DYNLL1: variants seen among roughly 807,000 people sequenced by gnomAD.
DYNLL1 encodes the protein dynein light chain 1, cytoplasmic.
In DYNLL1, 3 loss-of-function variants were observed where a neutral mutation model predicts 10.1. That is an observed-to-expected ratio of 0.30 (90% CI 0.14 to 0.77). The LOEUF (loss-of-function observed/expected upper bound fraction) is 0.77, where lower values mean the gene tolerates loss of function less well. Ranked by LOEUF, DYNLL1 falls within the 30% of genes least tolerant of loss-of-function variation. The pLI, the probability that DYNLL1 is intolerant of heterozygous loss-of-function variation, is 0.66. For synonymous variants in DYNLL1, 46 were observed against 41.2 expected, an observed-to-expected ratio of 1.12 and a Z score of -0.45; for missense variants, 47 against 111.7, an observed-to-expected ratio of 0.42 and a Z score of 2.61.
chr12:120,469,956 T>G (rs1878605513), exon 1 of DYNLL1: 1 of 176,826 alleles, frequency 5.7e-6, no homozygotes, highest in African/African-American at 2.4e-5. Flanking sequence ...CGCCTCAGTT[T>G]CTCTCTGTGG....
intron 1 of DYNLL1, among the ~76,000 whole-genome samples, chr12:120,477,748 C>T (rs1878787163): frequency 6.6e-6 from 1 of 152,054 alleles, no homozygotes; most frequent in South Asian, 2.1e-4. Flanking sequence ...GTACTCCAGC[C>T]TGGGTGACAG....
chr12:120,484,880 A>G (rs751258076), intron 1 of DYNLL1, among the ~76,000 whole-genome samples: 3 of 152,092 alleles, frequency 2.0e-5, no homozygotes, highest in Non-Finnish European at 2.9e-5. Flanking sequence ...AGTAGCCTAC[A>G]GGCACGCAAC....
intron 1 of DYNLL1, among the ~76,000 whole-genome samples, chr12:120,476,291 G>T (rs1370852944): frequency 1.4e-5 from 2 of 147,520 alleles, no homozygotes; most frequent in African/African-American, 5.1e-5. Flanking sequence ...TAAAAAACAA[G>T]TATGGGAATT....
At chr12:120,479,386 G>A (rs1452444573) in intron 1 of DYNLL1, among the ~76,000 whole-genome samples, 21 of 147,754 alleles carry the variant, frequency 1.4e-4, no homozygotes, top group African/African-American at 2.7e-4. Flanking sequence ...CCCGGGAGGC[G>A]GAGGTTGTGG....
At chr12:120,486,293 G>A (rs982249467) in intron 1 of DYNLL1, among the ~76,000 whole-genome samples, 1 of 152,082 alleles carries the variant, frequency 6.6e-6, no homozygotes, top group African/African-American at 2.4e-5. Flanking sequence ...GAGTTTCTTG[G>A]GGGAAGTGGC....
chr12:120,477,256 A>G (rs1878775518), intron 1 of DYNLL1, among the ~76,000 whole-genome samples: 1 of 152,226 alleles, frequency 6.6e-6, no homozygotes, highest in South Asian at 2.1e-4. Flanking sequence ...ATCTAGTGCT[A>G]TGCTTGGACC....
intron 1 of DYNLL1, among the ~76,000 whole-genome samples, chr12:120,474,955 A>G (rs1455387050): frequency 6.6e-6 from 1 of 152,182 alleles, no homozygotes; most frequent in East Asian, 1.9e-4. Flanking sequence ...GCTACATAAT[A>G]AAGAACTGAG....
exon 1 of DYNLL1, chr12:120,469,863 G>T (rs1049641062): frequency 1.6e-5 from 4 of 250,632 alleles, no homozygotes; most frequent in Non-Finnish European, 3.0e-5. Flanking sequence ...GACAGGGAGA[G>T]CCTGGGGCCG....
chr12:120,486,949 A>G (rs1012845847), intron 1 of DYNLL1, among the ~76,000 whole-genome samples: 3 of 150,870 alleles, frequency 2.0e-5, no homozygotes, highest in South Asian at 2.1e-4. Context: ...GATGAGAGAG[A>G]GACCTCGGGT....
At chr12:120,471,938 T>A (rs1878660723) in intron 1 of DYNLL1, among the ~76,000 whole-genome samples, 3 of 152,140 alleles carry the variant, frequency 2.0e-5, no homozygotes, top group Admixed American at 2.0e-4. Context: ...CAGACGGAAA[T>A]AAGCAAGAGA....
intron 1 of DYNLL1, among the ~76,000 whole-genome samples, chr12:120,485,578 G>A (rs1197484412): frequency 1.3e-5 from 2 of 151,988 alleles, no homozygotes; most frequent in African/African-American, 2.4e-5. Context: ...AGTGGCTCAT[G>A]CCTATAATAC....
upstream of DYNLL1, chr12:120,496,040 G>T: frequency 2.9e-6 from 1 of 350,840 alleles, no homozygotes; most frequent in South Asian, 3.0e-5. Flanking sequence ...AGGGTCGCGC[G>T]GCGAGGGGCG....
chr12:120,479,136 C>T (rs1270830799), intron 1 of DYNLL1, among the ~76,000 whole-genome samples: 2 of 150,356 alleles, frequency 1.3e-5, no homozygotes, highest in Non-Finnish European at 3.0e-5. Context: ...TGCACAGCAA[C>T]CTGGGTGACA....
At chr12:120,489,593 TCTCTCG>T (rs1879074605) in intron 1 of DYNLL1, among the ~76,000 whole-genome samples, 1 of 152,198 alleles carries the variant, frequency 6.6e-6, no homozygotes, top group East Asian at 1.9e-4. Flanking sequence ...TGCTCCCACC[TCTCTCG>T]CTGCTCCCAT....
chr12:120,496,740 A>T, intron 2 of DYNLL1, 187 bp downstream of exon 2: 1 of 710,230 alleles, frequency 1.4e-6, no homozygotes, highest in Non-Finnish European at 2.1e-6. Flanking sequence ...CGGCGTCCGA[A>T]GTTTTTTTTT....
chr12:120,498,028 C>G (rs1868515208), intron 2 of DYNLL1, 45 bp from the exon 3 acceptor site: 1 of 1,590,678 alleles, frequency 6.3e-7, no homozygotes, highest in South Asian at 1.1e-5. Context: ...CAAACACTGA[C>G]CTCTGGTAAT....
At chr12:120,492,527 A>G (rs551375638), upstream of DYNLL1, among the ~76,000 whole-genome samples, 106 of 152,286 alleles carry the variant, frequency 7.0e-4, no homozygotes, top group African/African-American at 2.4e-3. The surrounding 1 kb of genome is among the most constrained non-coding windows in gnomAD (Gnocchi z 4.1). Context: ...AGATCGCACT[A>G]CTGCACTCCA....
At chr12:120,493,026 C>T (rs535659465), upstream of DYNLL1, among the ~76,000 whole-genome samples, 4 of 152,214 alleles carry the variant, frequency 2.6e-5, no homozygotes, top group South Asian at 8.3e-4. Context: ...GCTTGGAAAA[C>T]CTTTGCAATC....
At chr12:120,482,458 G>A (rs1023779956) in intron 1 of DYNLL1, among the ~76,000 whole-genome samples, 4 of 152,204 alleles carry the variant, frequency 2.6e-5, no homozygotes, top group African/African-American at 9.6e-5. Context: ...AGGTAGCTGG[G>A]ACTACAGGCG....
Sources: allele counts gnomAD v4.1 joint callset (sites outside exome capture counted in the v4.1 genomes callset), GRCh38; gene constraint gnomAD v4.1.1; non-coding constraint Gnocchi (gnomAD v3.1); transcripts MANE v1.5; gene names NCBI Gene and HGNC (gene_info 2026-07-23, HGNC 2026-07-21).